The following MN1 variants were observed in gnomAD, a reference collection of about 807,000 sequenced individuals.
MN1 encodes transcriptional activator MN1.
In MN1, 19 loss-of-function variants were observed where a neutral mutation model predicts 86.9. The observed-to-expected ratio is 0.22, with a 90% CI of 0.15 to 0.32. MN1 has a LOEUF of 0.32. Ranked by LOEUF, MN1 falls within the 10% of genes least tolerant of loss-of-function variation. The pLI is 1.00. For missense variants in MN1, 1,841 were observed against 1,862.0 expected (o/e 0.99, Z 0.21); for synonymous variants, 928 against 849.6 (o/e 1.09, Z -1.60).
intron 1 of MN1, among the ~76,000 whole-genome samples, chr22:27,775,424 G>C (rs887398934): frequency 1.3e-5 from 2 of 152,116 alleles, no homozygotes; most frequent in African/African-American, 2.4e-5. Flanking sequence ...TTAGCAGCTG[G>C]GGAACTCAGC....
chr22:27,775,038 G>A (rs1671604982), intron 1 of MN1, among the ~76,000 whole-genome samples: 1 of 152,344 alleles, frequency 6.6e-6, no homozygotes, highest in Non-Finnish European at 1.5e-5. Flanking sequence ...GATGTCTCAT[G>A]CTGAGGAGCA....
chr22:27,800,644 G>C lies in MN1; in HGVS notation c.-101C>G. ...GTTCCAGCCCAGGATTGGGCGCTCC[G>C]GGACGCTCAGCACCGCGGGGGCTCA... is the stretch of plus-strand genomic sequence containing the variant. On this transcript the variant is annotated 5_prime_UTR_variant, in exon 1 of 2. Coordinates refer to ENST00000302326, the MANE Select transcript of MN1 (RefSeq NM_002430.3). 6.4e-7 allele frequency: 1 copy of C among 1,559,004 alleles called. No homozygotes were observed. The highest frequency in any genetic ancestry group is 8.7e-7 in the Non-Finnish European group (1 of 1,155,890).
chr22:27,796,567 G>T (rs774192237), intron 1 of MN1, among the ~76,000 whole-genome samples, 196 bp downstream of exon 1: 1 of 151,040 alleles, frequency 6.6e-6, no homozygotes, highest in African/African-American at 2.4e-5. Context: ...TGGGGGGCTT[G>T]GGGGCAGTGT....
Position 27,764,297 on chromosome 22 carries a change from G to A in MN1, c.3782-13201C>T, listed in dbSNP as rs1932854190. On this transcript the variant is annotated intron_variant, in intron 1 of 1. Coordinates refer to ENST00000302326, the MANE Select transcript of MN1 (RefSeq NM_002430.3). The stretch of plus-strand genomic sequence containing the variant: ...TGTATTCTCCAACTCTAAGCAAGGT[G>A]AGGGAAAAGAGTCCCACTCCCATGG... 5.3e-5 allele frequency among the ~76,000 whole-genome samples: 8 copies of A among 152,336 alleles called. No individual in the cohort carries two copies. The South Asian group carries it at 1.7e-3, about 32-fold the overall frequency.
Position 27,796,994 on chromosome 22 carries a change from C to T in MN1, c.3550G>A (p.Glu1184Lys). The T allele has an allele frequency of 6.2e-7, 1 of 1,612,634 alleles. No individual in the cohort carries two copies. Among genetic ancestry groups the T allele is most frequent in the Non-Finnish European group, 8.5e-7 (1 of 1,179,702 alleles). The change falls in exon 1 of 2, where the codon GAG becomes AAG. Residue 1184 changes from glutamate to lysine, a missense_variant. By Grantham distance (56) the Glu-to-Lys change is moderately conservative (BLOSUM62 1). Transcript: ENST00000302326. ...PLGLKGGKKG[E>K]CAVGASGAQN... ...GCCCCTGAGGCCCCGACGGCGCACTCACCCTTCTTGCCACCCTTCAGCCCC... is the reference window on the plus strand; with the variant it reads ...GCCCCTGAGGCCCCGACGGCGCACTTACCCTTCTTGCCACCCTTCAGCCCC...
intron 1 of MN1, among the ~76,000 whole-genome samples, chr22:27,764,112 G>T (rs77307133): frequency 0.019 from 2,821 of 152,314 alleles, 103 homozygotes; most frequent in African/African-American, 0.064. Flanking sequence ...AAGTTAGACC[G>T]TGTTCCTGCC....
intron 1 of MN1, among the ~76,000 whole-genome samples, chr22:27,788,348 G>A (rs948988315): frequency 2.0e-5 from 3 of 152,098 alleles, no homozygotes; most frequent in Admixed American, 6.5e-5. Context: ...TTGCAAGGAC[G>A]CTTTCAAACA....
chr22:27,787,177 G>T (rs139076190), intron 1 of MN1, among the ~76,000 whole-genome samples: 1 of 152,286 alleles, frequency 6.6e-6, no homozygotes, highest in East Asian at 1.9e-4. Flanking sequence ...AGCAAAGCCC[G>T]GCAAAAGGCA....
In MN1 at chr22:27,797,656, G is replaced by A. The variant is rs750209523; in HGVS notation, c.2888C>T (p.Ser963Leu). 1 of 1,602,888 alleles carries A rather than the reference G, an allele frequency of 6.2e-7. No homozygotes were observed. Among genetic ancestry groups the A allele is most frequent in the Non-Finnish European group, 8.5e-7 (1 of 1,175,186 alleles). ...VSPGTFFDKY[S>L]AAPDSGGAPG... ...TGCGCCCCCGCTGTCCGGAGCCGCC[G>A]AGTACTTGTCAAAGAAGGTGCCAGG... Residue 963 changes from serine to leucine, a missense_variant, in exon 1 of 2, where the codon TCG (serine) becomes TTG (leucine). Coordinates refer to ENST00000302326, the MANE Select transcript of MN1 (RefSeq NM_002430.3).
Position 27,797,184 on chromosome 22 carries a change from G to C in MN1, c.3360C>G (p.Gly1120=), listed in dbSNP as rs765294265. The change falls in exon 1 of 2, where the codon GGC becomes GGG. Residue 1120 remains glycine (G), a synonymous_variant. Transcript: ENST00000302326. ...TGCCCGGATGGCCCGGGCCCCCACC[G>C]CCGCCGTAGCTGTCAGGGGTCGAGG... is the stretch of plus-strand genomic sequence containing the variant. ...NSTSTPDSYG[G]GGGPGHPGTP... 3.9e-6 allele frequency: 6 copies of C among 1,556,868 alleles called. No individual in the cohort carries two copies. The highest frequency in any genetic ancestry group is 5.2e-6 in the Non-Finnish European group (6 of 1,155,324).
chr22:27,786,619 G>A lies in MN1; in HGVS notation c.3781+10144C>T, dbSNP rs559728703. Among the ~76,000 whole-genome samples, 7 of 152,262 alleles carry A rather than the reference G, an allele frequency of 4.6e-5. No homozygotes were observed. The Middle Eastern group carries it at 0.01, about 222-fold the overall frequency. ...TTAATGCTGGGAAACTCTCAGGGTC[G>A]GAGAACCAAGGCACCAGAAGGAAGC... On this transcript the variant is annotated intron_variant, in intron 1 of 1. Coordinates refer to ENST00000302326, the MANE Select transcript of MN1 (RefSeq NM_002430.3).
At chr22:27,760,421 A>T (rs909082004) in intron 1 of MN1, among the ~76,000 whole-genome samples, 1 of 151,714 alleles carries the variant, frequency 6.6e-6, no homozygotes, top group African/African-American at 2.4e-5. Flanking sequence ...GTGCAGGAGG[A>T]TCTATTGAGC....
chr22:27,752,855 G>A (rs763422242), intron 1 of MN1, among the ~76,000 whole-genome samples: 6 of 152,182 alleles, frequency 3.9e-5, no homozygotes, highest in Non-Finnish European at 5.9e-5. Flanking sequence ...CCCAGATACT[G>A]AACTCCATGA....
chr22:27,765,264 A>C (rs1006474248), intron 1 of MN1, among the ~76,000 whole-genome samples: 6 of 152,316 alleles, frequency 3.9e-5, no homozygotes, highest in African/African-American at 1.4e-4. Flanking sequence ...CTGATCTATG[A>C]AGATTCGTGC....
chr22:27,799,150 G>C lies in MN1; in HGVS notation c.1394C>G (p.Ala465Gly), dbSNP rs1185969756. 5.6e-6 allele frequency: 9 copies of C among 1,606,688 alleles called. No homozygotes were observed. Among genetic ancestry groups the C allele is most frequent in the Non-Finnish European group, 7.7e-6 (9 of 1,174,936 alleles). The change falls in exon 1 of 2, where the codon GCG becomes GGG. Residue 465 changes from alanine (A) to glycine (G), a missense_variant. Transcript: ENST00000302326. The stretch of plus-strand genomic sequence containing the variant: ...CCACGAAGCGCAGCGGTCCACTCCC[G>C]CGCTGCCCGGAAAGTCGAAGCGCGG... ...KRPRFDFPGSAGVDRCASWNG... is the reference protein window; with the variant it reads ...KRPRFDFPGSGGVDRCASWNG...
At chr22:27,794,934 A>G (rs1021077589) in intron 1 of MN1, among the ~76,000 whole-genome samples, 1 of 150,606 alleles carries the variant, frequency 6.6e-6, no homozygotes. Flanking sequence ...AGGCCAGGCC[A>G]GGTAGAAGTG....
intron 1 of MN1, among the ~76,000 whole-genome samples, chr22:27,756,055 C>T (rs1172176268): frequency 2.0e-5 from 3 of 152,198 alleles, no homozygotes; most frequent in African/African-American, 7.2e-5. Flanking sequence ...CTCCTGCCAA[C>T]GCTGGCTATG....
At chr22:27,756,195 A>G (rs1932801204) in intron 1 of MN1, among the ~76,000 whole-genome samples, 2 of 152,076 alleles carry the variant, frequency 1.3e-5, no homozygotes, top group Admixed American at 6.5e-5. Context: ...AAAAGAGGGG[A>G]CGTTTACCTG....
intron 1 of MN1, among the ~76,000 whole-genome samples, chr22:27,791,007 C>A (rs1933203939): frequency 1.3e-5 from 2 of 152,142 alleles, no homozygotes. Context: ...GCTCCTTTCC[C>A]CGCTCGCCTT....
Sources: gnomAD v4.1 joint callset for allele counts (sites outside exome capture counted in the v4.1 genomes callset) on GRCh38, gnomAD v4.1.1 for gene constraint, MANE v1.5 for transcripts, NCBI Gene and HGNC (gene_info 2026-07-23, HGNC 2026-07-21) for gene names.